The following NELL1 variants were observed in gnomAD, a reference collection of about 807,000 sequenced individuals.
The protein encoded by NELL1 is protein kinase C-binding protein NELL1.
A neutral mutation model predicts 107.4 loss-of-function variants in NELL1; 76 were observed. The ratio of observed to expected loss-of-function variants is 0.71; its 90% CI spans 0.59 to 0.86. NELL1 has a LOEUF of 0.86. Ranked by LOEUF, NELL1 falls within the 40% of genes least tolerant of loss-of-function variation. NELL1 has a pLI of 0.00. For synonymous variants in NELL1, 353 were observed against 341.2 expected, an observed-to-expected ratio of 1.03 and a Z score of -0.38; for missense variants, 1,024 against 1,005.5, an observed-to-expected ratio of 1.02 and a Z score of -0.25.
At chr11:21,445,272 GT>G (rs1410998029) in intron 15 of NELL1, among the ~76,000 whole-genome samples, 2 of 151,424 alleles carry the variant, frequency 1.3e-5, no homozygotes, top group African/African-American at 2.4e-5. Context: ...CAGTGAGTTG[GT>G]TTTTTTTGTT....
intron 14 of NELL1, among the ~76,000 whole-genome samples, chr11:21,311,495 T>A (rs1246830442): frequency 1.3e-5 from 2 of 152,164 alleles, no homozygotes; most frequent in African/African-American, 4.8e-5. Flanking sequence ...ACATAATTTT[T>A]ATCTCTTTTT....
At chr11:20,989,621 T>G (rs542874920) in intron 12 of NELL1, among the ~76,000 whole-genome samples, 2 of 152,314 alleles carry the variant, frequency 1.3e-5, no homozygotes, top group Non-Finnish European at 2.9e-5. Context: ...TTATTTTTCT[T>G]CAATAACTGC....
intron 12 of NELL1, among the ~76,000 whole-genome samples, chr11:21,032,292 T>A (rs1248550920): frequency 1.3e-5 from 2 of 152,086 alleles, no homozygotes; most frequent in Non-Finnish European, 2.9e-5. Flanking sequence ...TTATTGTGGG[T>A]TGCTACCCTT....
chr11:21,244,797 G>A (rs958437064), intron 14 of NELL1, among the ~76,000 whole-genome samples: 2 of 152,174 alleles, frequency 1.3e-5, no homozygotes, highest in African/African-American at 2.4e-5. Context: ...ACTGAGTGGT[G>A]AAGGTCACGG....
chr11:21,386,937 G>T (rs1851760952), intron 15 of NELL1, among the ~76,000 whole-genome samples: 1 of 151,812 alleles, frequency 6.6e-6, no homozygotes, highest in East Asian at 2.0e-4. Flanking sequence ...ATTTAAGCTA[G>T]ACTTTGTGCT....
intron 15 of NELL1, among the ~76,000 whole-genome samples, chr11:21,479,890 C>G (rs1334404820): frequency 9.3e-6 from 1 of 107,548 alleles, no homozygotes; most frequent in Non-Finnish European, 1.9e-5. Flanking sequence ...TGCACCATCA[C>G]CAGTGTCCAC....
At chr11:21,216,356 T>C (rs899714847) in intron 13 of NELL1, among the ~76,000 whole-genome samples, 1 of 152,046 alleles carries the variant, frequency 6.6e-6, no homozygotes, top group Non-Finnish European at 1.5e-5. Flanking sequence ...CCACACGGAG[T>C]CCTCACTGGG....
intron 13 of NELL1, among the ~76,000 whole-genome samples, chr11:21,123,873 A>G (rs1425736388): frequency 1.3e-5 from 2 of 152,234 alleles, no homozygotes; most frequent in East Asian, 1.9e-4. Flanking sequence ...GCATATTAAA[A>G]TAATGTTTAA....
At chr11:20,872,014 G>A (rs866492215) in intron 4 of NELL1, among the ~76,000 whole-genome samples, 35 of 62,192 alleles carry the variant, frequency 5.6e-4, no homozygotes, top group Middle Eastern at 0.018. Context: ...GAAAGACTCC[G>A]TCTCAAAAAA....
intron 3 of NELL1, 38 bp downstream of exon 3, chr11:20,783,868 A>G: frequency 6.4e-7 from 1 of 1,572,116 alleles, no homozygotes; most frequent in Non-Finnish European, 8.6e-7. Flanking sequence ...ATCTCCTTAG[A>G]GTTAATGGGT....
At chr11:20,831,516 C>T (rs1350720693) in intron 3 of NELL1, among the ~76,000 whole-genome samples, 1 of 152,150 alleles carries the variant, frequency 6.6e-6, no homozygotes, top group African/African-American at 2.4e-5. Context: ...AGATGAAGAA[C>T]ATAACAGGAA....
At chr11:21,522,395 A>G (rs1855749291) in intron 15 of NELL1, among the ~76,000 whole-genome samples, 1 of 152,238 alleles carries the variant, frequency 6.6e-6, no homozygotes, top group Non-Finnish European at 1.5e-5. Context: ...TAAAAAATGA[A>G]GTCATATCTT....
chr11:20,788,939 T>C (rs1382548081), intron 3 of NELL1, among the ~76,000 whole-genome samples: 2 of 152,238 alleles, frequency 1.3e-5, no homozygotes, highest in Non-Finnish European at 2.9e-5. Flanking sequence ...GGGGTCCAAC[T>C]TTATTCTTTT....
chr11:21,112,334 G>A (rs1855126943), intron 12 of NELL1, among the ~76,000 whole-genome samples: 1 of 151,864 alleles, frequency 6.6e-6, no homozygotes, highest in African/African-American at 2.4e-5. Flanking sequence ...TTTCTTTTAA[G>A]ATAAATAGAT....
At chr11:20,790,955 C>A (rs1857062514) in intron 3 of NELL1, among the ~76,000 whole-genome samples, 1 of 152,180 alleles carries the variant, frequency 6.6e-6, no homozygotes, top group Non-Finnish European at 1.5e-5. Context: ...TATGTTTATC[C>A]ATATGGAAGT....
At chr11:21,336,991 A>G (rs1590848499) in intron 14 of NELL1, among the ~76,000 whole-genome samples, 1 of 152,074 alleles carries the variant, frequency 6.6e-6, no homozygotes, top group South Asian at 2.1e-4. Context: ...TCAGTTAAAC[A>G]ATATGTGACC....
chr11:20,780,162 A>T (rs1856825641), intron 2 of NELL1, among the ~76,000 whole-genome samples: 2 of 152,332 alleles, frequency 1.3e-5, no homozygotes, highest in South Asian at 4.1e-4. Context: ...ATTTTTAAAA[A>T]GAAATAAGAA....
intron 2 of NELL1, among the ~76,000 whole-genome samples, chr11:20,695,746 A>G (rs2133872984): frequency 6.6e-6 from 1 of 151,880 alleles, no homozygotes; most frequent in South Asian, 2.1e-4. Flanking sequence ...TTAGTTTTTC[A>G]TTGTGTCTTT....
At chr11:20,872,484 G>A (rs1346732501) in intron 4 of NELL1, among the ~76,000 whole-genome samples, 1 of 152,150 alleles carries the variant, frequency 6.6e-6, no homozygotes, top group Non-Finnish European at 1.5e-5. Context: ...GGCCAGGCTG[G>A]CACCTATAAG....
Sources: gnomAD v4.1 joint callset for allele counts (sites outside exome capture counted in the v4.1 genomes callset) on GRCh38, gnomAD v4.1.1 for gene constraint, MANE v1.5 for transcripts, NCBI Gene and HGNC (gene_info 2026-07-23, HGNC 2026-07-21) for gene names.